The following LRRC4C variants were observed in gnomAD, a reference collection of about 807,000 sequenced individuals.
LRRC4C encodes the protein leucine-rich repeat-containing protein 4C.
Under a neutral mutation model 33.6 loss-of-function variants are expected in LRRC4C, and 5 were observed. That is an observed-to-expected ratio of 0.15 (90% CI 0.08 to 0.31). The LOEUF is 0.31. Ranked by LOEUF, LRRC4C falls within the 10% of genes least tolerant of loss-of-function variation. The probability of loss-of-function intolerance (pLI) is 1.00; values close to 1 mark genes in which losing one functional copy is unlikely to be tolerated. For missense variants in LRRC4C, 560 were observed against 796.7 expected, an observed-to-expected ratio of 0.70 and a Z score of 3.58; for synonymous variants, 329 against 302.0, an observed-to-expected ratio of 1.09 and a Z score of -0.93.
chr11:41,288,821 A>C (rs1949909641), intron 1 of LRRC4C, among the ~76,000 whole-genome samples: 1 of 152,120 alleles, frequency 6.6e-6, no homozygotes, highest in Admixed American at 6.6e-5. Context: ...CCATTTACTT[A>C]TAACTGTAGA....
chr11:40,150,240 A>C (rs962654442), intron 5 of LRRC4C, among the ~76,000 whole-genome samples: 7 of 152,158 alleles, frequency 4.6e-5, no homozygotes, highest in African/African-American at 1.7e-4. Context: ...TCTAATCTCA[A>C]GATCCTCAAC....
chr11:40,429,404 T>A (rs1043209254), intron 3 of LRRC4C, among the ~76,000 whole-genome samples: 13 of 152,146 alleles, frequency 8.5e-5, no homozygotes, highest in African/African-American at 2.9e-4. Context: ...TTTCACTTAT[T>A]TACTCTTTGC....
chr11:41,199,858 C>G (rs1448872988), intron 1 of LRRC4C, among the ~76,000 whole-genome samples: 1 of 152,064 alleles, frequency 6.6e-6, no homozygotes, highest in Non-Finnish European at 1.5e-5. Flanking sequence ...CAAAGTCACC[C>G]CCTAAGTGAT....
At chr11:40,660,287 C>G (rs555663130) in intron 2 of LRRC4C, among the ~76,000 whole-genome samples, 3 of 152,172 alleles carry the variant, frequency 2.0e-5, no homozygotes, top group Admixed American at 2.0e-4. Flanking sequence ...CCTGGATTGC[C>G]CTCAGCAGGC....
chr11:41,210,321 T>C (rs1027843542), intron 1 of LRRC4C, among the ~76,000 whole-genome samples: 5 of 152,122 alleles, frequency 3.3e-5, no homozygotes, highest in African/African-American at 1.2e-4. Context: ...TGGGGGCGGT[T>C]TTCCCCATAC....
chr11:40,766,451 A>G (rs759424522), intron 2 of LRRC4C, among the ~76,000 whole-genome samples: 2 of 151,552 alleles, frequency 1.3e-5, no homozygotes, highest in African/African-American at 4.8e-5. Context: ...ATAGACAAAT[A>G]CAGAATACTA....
Position 40,358,838 on chromosome 11 carries a change from C to T in LRRC4C, c.-269-39117G>A, listed in dbSNP as rs149742162. Among the ~76,000 whole-genome samples the T allele has an allele frequency of 6.1e-3, 929 of 152,134 alleles. 5 individuals carry two copies. Among genetic ancestry groups the T allele is most frequent in the African/African-American group, 0.021 (856 of 41,496 alleles). On this transcript the variant is annotated intron_variant, in intron 3 of 6. Transcript: ENST00000528697. Reference sequence around the variant, plus strand: ...TTGAGACTTGGCCTTGGGAAAACACCAAGGAAGCTATTCATTCATTCATTT... The same window carrying T: ...TTGAGACTTGGCCTTGGGAAAACACTAAGGAAGCTATTCATTCATTCATTT...
intron 3 of LRRC4C, among the ~76,000 whole-genome samples, chr11:40,605,630 A>G (rs1960501162): frequency 6.6e-6 from 1 of 152,132 alleles, no homozygotes; most frequent in South Asian, 2.1e-4. Flanking sequence ...AAAGACAGAA[A>G]CATATGCCCA....
intron 3 of LRRC4C, among the ~76,000 whole-genome samples, chr11:40,557,573 C>G (rs1957379030): frequency 6.6e-6 from 1 of 152,088 alleles, no homozygotes; most frequent in Non-Finnish European, 1.5e-5. Flanking sequence ...TCCATTGAAG[C>G]ACCATCAATC....
intron 1 of LRRC4C, among the ~76,000 whole-genome samples, chr11:41,164,345 T>C (rs992628157): frequency 6.6e-6 from 1 of 152,150 alleles, no homozygotes; most frequent in African/African-American, 2.4e-5. Context: ...ATAACAAGCA[T>C]GAAGCCATTG....
chr11:40,712,282 G>T (rs1946504976), intron 2 of LRRC4C, among the ~76,000 whole-genome samples: 2 of 151,922 alleles, frequency 1.3e-5, no homozygotes, highest in African/African-American at 4.8e-5. Flanking sequence ...TTTTCATTTT[G>T]GTTCAAATAA....
chr11:40,570,157 CAT>C (rs1237499723), intron 3 of LRRC4C, among the ~76,000 whole-genome samples: 2 of 151,860 alleles, frequency 1.3e-5, no homozygotes, highest in Non-Finnish European at 2.9e-5. Context: ...ACTAGGAAAA[CAT>C]GTACCAAAAT....
intron 2 of LRRC4C, among the ~76,000 whole-genome samples, chr11:40,829,157 A>C (rs1591823613): frequency 6.6e-6 from 1 of 152,006 alleles, no homozygotes; most frequent in African/African-American, 2.4e-5. Context: ...TTCTGCTTTG[A>C]TGCAGATAGC....
chr11:41,242,695 C>T (rs572926560), intron 1 of LRRC4C, among the ~76,000 whole-genome samples: 1 of 152,186 alleles, frequency 6.6e-6, no homozygotes, highest in South Asian at 2.1e-4. Flanking sequence ...ATTTTTATTA[C>T]TTCATCCTTG....
intron 3 of LRRC4C, among the ~76,000 whole-genome samples, chr11:40,426,730 T>C (rs1950730441): frequency 6.6e-6 from 1 of 152,224 alleles, no homozygotes; most frequent in Admixed American, 6.5e-5. Context: ...ATACTTAGAA[T>C]AGTTCCAGGT....
intron 1 of LRRC4C, among the ~76,000 whole-genome samples, chr11:41,054,090 A>G (rs1339531329): frequency 6.6e-6 from 1 of 152,222 alleles, no homozygotes; most frequent in Non-Finnish European, 1.5e-5. Flanking sequence ...TTGCTAATCC[A>G]GTTTTGAATC....
Position 40,929,697 on chromosome 11 carries a change from C to G in LRRC4C, c.-407+3938G>C, listed in dbSNP as rs1240969643. On this transcript the variant is annotated intron_variant, in intron 2 of 6. Coordinates refer to ENST00000528697, the MANE Select transcript of LRRC4C (RefSeq NM_001258419.2). ...TGGCGCGATCTCGGCTCACTGCAAG[C>G]TCCGCCTCCCGGGTTCACGCCATTC... Among the ~76,000 whole-genome samples, 4 of 152,134 alleles carry G rather than the reference C, an allele frequency of 2.6e-5. No individual in the cohort carries two copies. The East Asian group carries it at 7.7e-4, about 29-fold the overall frequency.
At chr11:41,166,434 A>G (rs1019173254) in intron 1 of LRRC4C, among the ~76,000 whole-genome samples, 5 of 152,212 alleles carry the variant, frequency 3.3e-5, no homozygotes, top group Non-Finnish European at 7.3e-5. Flanking sequence ...GTCAGACCTT[A>G]ACACTTTATG....
intron 4 of LRRC4C, among the ~76,000 whole-genome samples, chr11:40,308,664 TA>T (rs1267730375): frequency 6.6e-6 from 1 of 152,044 alleles, no homozygotes; most frequent in African/African-American, 2.4e-5. Flanking sequence ...CCATGGACTA[TA>T]AGAAGGGAGA....
Sources: gnomAD v4.1 joint callset for allele counts (sites outside exome capture counted in the v4.1 genomes callset) on GRCh38, gnomAD v4.1.1 for gene constraint, MANE v1.5 for transcripts, NCBI Gene and HGNC (gene_info 2026-07-23, HGNC 2026-07-21) for gene names.